SPTB: variants seen among roughly 807,000 people sequenced by gnomAD.
The protein encoded by SPTB is spectrin beta, erythrocytic.
Under a neutral mutation model 256.2 loss-of-function variants are expected in SPTB, and 45 were observed. The observed-to-expected ratio is 0.18, with a 90% confidence interval of 0.14 to 0.23. The LOEUF (loss-of-function observed/expected upper bound fraction) is 0.23, where lower values mean the gene tolerates loss of function less well. Ranked by LOEUF, SPTB falls within the 10% of genes least tolerant of loss-of-function variation. SPTB has a pLI of 1.00. For missense variants in SPTB, 2,715 were observed against 3,040.4 expected (o/e 0.89, Z 2.52); for synonymous variants, 1,231 against 1,243.1 (o/e 0.99, Z 0.21).
intron 26 of SPTB, among the ~76,000 whole-genome samples, chr14:64,771,516 C>A (rs955961406): frequency 6.6e-6 from 1 of 152,156 alleles, no homozygotes; most frequent in East Asian, 1.9e-4. Flanking sequence ...ATGGGGAAAA[C>A]GAGGCACAAG....
intron 2 of SPTB, among the ~76,000 whole-genome samples, chr14:64,811,182 C>T (rs1010154441): frequency 2.6e-5 from 4 of 152,038 alleles, no homozygotes; most frequent in African/African-American, 9.7e-5. Context: ...ATATATCTAA[C>T]ATACATTATA....
At chr14:64,840,613 G>A (rs1354890303) in intron 1 of SPTB, among the ~76,000 whole-genome samples, 2 of 152,196 alleles carry the variant, frequency 1.3e-5, no homozygotes, top group Admixed American at 6.5e-5. Context: ...ATTCTAAGAA[G>A]CCTCTTGCTA....
intron 1 of SPTB, among the ~76,000 whole-genome samples, chr14:64,878,439 T>A (rs1882938930): frequency 6.6e-6 from 1 of 152,136 alleles, no homozygotes; most frequent in Non-Finnish European, 1.5e-5. Flanking sequence ...AACCTGGGAC[T>A]CAGAGCAAAA....
intron 1 of SPTB, among the ~76,000 whole-genome samples, chr14:64,846,709 G>GA (rs2083699046): frequency 1.3e-5 from 2 of 152,210 alleles, no homozygotes; most frequent in African/African-American, 4.8e-5. Flanking sequence ...ATATAACTGA[G>GA]TATATTCAGG....
chr14:64,767,632 C>T, intron 30 of SPTB, 31 bp downstream of exon 30: 1 of 1,612,726 alleles, frequency 6.2e-7, no homozygotes, highest in Non-Finnish European at 8.5e-7. Context: ...TTGCCACCCT[C>T]CTGAGCCTCC....
rs986282382 is a variant in SPTB, at chr14:64,825,733, G to T, written c.-51-2588C>A. Among the ~76,000 whole-genome samples the T allele has an allele frequency of 1.3e-5, 2 of 152,244 alleles. No individual in the cohort carries two copies. The highest frequency in any genetic ancestry group is 4.8e-5 in the African/African-American group (2 of 41,470). ...GGGGCTGGAGAGTGAGATTACCTTT[G>T]CCATGGCTCCGTAAATAAGTCTGCC... On this transcript the variant is annotated intron_variant, in intron 1 of 35. Coordinates refer to ENST00000644917, the MANE Select transcript of SPTB (RefSeq NM_001355436.2). This position sits in a 1 kb window ranked among gnomAD's most constrained non-coding sequence, Gnocchi z 4.8.
In SPTB at chr14:64,825,223, A is replaced by G. The variant is rs1197237140; in HGVS notation, c.-51-2078T>C. 6.6e-6 allele frequency among the ~76,000 whole-genome samples: 1 copy of G among 152,176 alleles called. No individual in the cohort carries two copies. The highest frequency in any genetic ancestry group is 1.5e-5 in the Non-Finnish European group (1 of 68,032). Reference sequence around the variant, plus strand: ...TGCATGGGGACAGAGGGCATTTCCCAGCCAGGGCTTAGCAAAAGTGTTTGC... The same window carrying G: ...TGCATGGGGACAGAGGGCATTTCCCGGCCAGGGCTTAGCAAAAGTGTTTGC... On this transcript the variant is annotated intron_variant, in intron 1 of 35. Transcript: ENST00000644917. This position sits in a 1 kb window ranked among gnomAD's most constrained non-coding sequence, Gnocchi z 4.8.
rs2082646426 is a variant in SPTB, at chr14:64,790,165, C to T, written c.2804+1554G>A. On this transcript the variant is annotated intron_variant, in intron 15 of 35. Coordinates refer to ENST00000644917, the MANE Select transcript of SPTB (RefSeq NM_001355436.2). The surrounding 1 kb of genome is among the most constrained non-coding windows in gnomAD (Gnocchi z 4.8). ...AGTGAGTTCCCCATCACTGGCTAGA[C>T]TGGGTGACTTCTCAGGTTCCTTTCA... Among the ~76,000 whole-genome samples, 1 of 152,126 alleles carries T rather than the reference C, an allele frequency of 6.6e-6. No homozygotes were observed. The highest frequency in any genetic ancestry group is 1.5e-5 in the Non-Finnish European group (1 of 68,032).
rs79020288 is a variant in SPTB, at chr14:64,767,594, T to A, written c.6219+69A>T. 3.8e-3 allele frequency: 5,973 copies of A among 1,584,998 alleles called. 278 individuals carry two copies. The East Asian group carries it at 0.1, about 26-fold the overall frequency. ...TAAGTACCTAACAACTGGCCTGGAG[T>A]CCTTACATGAGACCCCTGGGGGCAC... On this transcript the variant is annotated intron_variant, in intron 30 of 35. Transcript: ENST00000644917.
chr14:64,765,553 T>C (rs1010050409), intron 32 of SPTB, among the ~76,000 whole-genome samples: 1 of 152,088 alleles, frequency 6.6e-6, no homozygotes, highest in Non-Finnish European at 1.5e-5. Context: ...TTCCGACAAG[T>C]TGGGGGGCTG....
At position 64,873,972 on chromosome 14, in the gene SPTB, A is replaced by G. The variant is rs1257933316; in HGVS notation, c.-52+5820T>C. Among the ~76,000 whole-genome samples the G allele has an allele frequency of 6.6e-6, 1 of 152,206 alleles. No homozygotes were observed. The highest frequency in any genetic ancestry group is 1.5e-5 in the Non-Finnish European group (1 of 68,022). On this transcript the variant is annotated intron_variant, in intron 1 of 35. Coordinates refer to ENST00000644917, the MANE Select transcript of SPTB (RefSeq NM_001355436.2). The surrounding 1 kb of genome is among the most constrained non-coding windows in gnomAD (Gnocchi z 4.3). The stretch of plus-strand genomic sequence containing the variant: ...TGGACTATAGTTATCTGTGATCATC[A>G]TCTTGTACTGGCTGGGATCTAATTC...
At chr14:64,856,837 A>G (rs2083882458) in intron 1 of SPTB, among the ~76,000 whole-genome samples, 1 of 152,242 alleles carries the variant, frequency 6.6e-6, no homozygotes, top group Admixed American at 6.5e-5. Context: ...ACAGGCCACA[A>G]GGAAGGATGG....
intron 29 of SPTB, chr14:64,768,127 A>T (rs773382635): frequency 2.9e-5 from 15 of 520,220 alleles, no homozygotes; most frequent in Non-Finnish European, 5.3e-5. Context: ...TGGCAGCCTC[A>T]GCCTCCTGGG....
rs2083351986 is a variant in SPTB at position 64,824,804 on chromosome 14, G to T, written c.-51-1659C>A. ...CAGCCCAAGTGTGAGATGGCAGCAG[G>T]GCTACAGCCTTATTTTTCAGATACA... On this transcript the variant is annotated intron_variant, in intron 1 of 35. Coordinates refer to ENST00000644917, the MANE Select transcript of SPTB (RefSeq NM_001355436.2). This position sits in a 1 kb window ranked among gnomAD's most constrained non-coding sequence, Gnocchi z 5.7. Among the ~76,000 whole-genome samples the T allele has an allele frequency of 6.6e-6, 1 of 152,168 alleles. No individual in the cohort carries two copies. The highest frequency in any genetic ancestry group is 2.4e-5 in the African/African-American group (1 of 41,448).
At chr14:64,821,330 C>G (rs887624714) in intron 2 of SPTB, among the ~76,000 whole-genome samples, 2 of 152,152 alleles carry the variant, frequency 1.3e-5, no homozygotes, top group Non-Finnish European at 2.9e-5. Flanking sequence ...TCCCCTCTCC[C>G]CTTTCATGGT....
At chr14:64,757,865 T>C (rs1045960002) in intron 32 of SPTB, among the ~76,000 whole-genome samples, 1 of 152,172 alleles carries the variant, frequency 6.6e-6, no homozygotes, top group Non-Finnish European at 1.5e-5. Flanking sequence ...GAGACACCGA[T>C]GAGCTCTCAG....
intron 1 of SPTB, among the ~76,000 whole-genome samples, chr14:64,862,065 C>A (rs940288944): frequency 2.0e-5 from 3 of 152,200 alleles, no homozygotes; most frequent in Non-Finnish European, 4.4e-5. Flanking sequence ...AAATCGACAC[C>A]CCCAGCCCAG....
In SPTB at chr14:64,750,082, G is replaced by A. The variant is rs762818156; in HGVS notation, c.6675C>T (p.Ala2225=). 8.1e-6 allele frequency: 13 copies of A among 1,614,010 alleles called. No individual in the cohort carries two copies. Among genetic ancestry groups the A allele is most frequent in the African/African-American group, 2.7e-5 (2 of 74,896 alleles). ...CCTCCCCATGGTAGGGCATCCCCAG[G>A]GCCAGGTTCTTGGCATCCTTGTAGA... ...LTFYKDAKNL[A]LGMPYHGEEP... is the part of the protein sequence containing the mutation. The change falls in exon 34 of 36, where the codon GCC becomes GCT. Residue 2225 remains alanine, a synonymous_variant. Transcript: ENST00000644917.
intron 1 of SPTB, among the ~76,000 whole-genome samples, chr14:64,836,718 T>C (rs1236357601): frequency 1.3e-5 from 2 of 152,180 alleles, no homozygotes; most frequent in Non-Finnish European, 2.9e-5. Flanking sequence ...GTAAACTCCT[T>C]GAAGGGAAGG....
Sources: gnomAD v4.1 joint callset for allele counts (sites outside exome capture counted in the v4.1 genomes callset) on GRCh38, gnomAD v4.1.1 for gene constraint, Gnocchi (gnomAD v3.1) non-coding constraint, MANE v1.5 for transcripts, NCBI Gene and HGNC (gene_info 2026-07-23, HGNC 2026-07-21) for gene names.